SP6: variants seen among roughly 807,000 people sequenced by gnomAD.
SP6 encodes the protein Sp6 transcription factor.
Under a neutral mutation model 23.4 loss-of-function variants are expected in SP6, and 10 were observed. That is an observed-to-expected ratio of 0.43 (90% CI 0.26 to 0.72). The LOEUF is 0.72. Ranked by LOEUF, SP6 falls within the 30% of genes least tolerant of loss-of-function variation. SP6 has a pLI of 0.23. For missense variants in SP6, 482 were observed against 523.8 expected, an observed-to-expected ratio of 0.92 and a Z score of 0.78; for synonymous variants, 238 against 238.7, an observed-to-expected ratio of 1.00 and a Z score of 0.03.
At chr17:47,865,817 C>T in the SP6 span, among the ~76,000 whole-genome samples, 1 of 152,106 alleles carries the variant, frequency 6.6e-6, no homozygotes, top group South Asian at 2.1e-4. Context: ...CATCAGGCCC[C>T]CATGCTGCCC....
At chr17:47,860,996 A>C in the SP6 span, among the ~76,000 whole-genome samples, 4 of 152,190 alleles carry the variant, frequency 2.6e-5, no homozygotes, top group South Asian at 8.3e-4. Flanking sequence ...ACGAGAGGGG[A>C]ATTAGAGAGG....
intron 1 of SP6, among the ~76,000 whole-genome samples, chr17:47,850,219 C>T (rs2033939949): frequency 6.6e-6 from 1 of 152,168 alleles, no homozygotes; most frequent in African/African-American, 2.4e-5. Context: ...GTGGCTTCTC[C>T]TGGCAGAGAG....
Position 47,848,234 on chromosome 17 carries a change from C to T in SP6, c.196G>A (p.Gly66Ser), listed in dbSNP as rs774909227. 1.9e-6 allele frequency: 3 copies of T among 1,612,086 alleles called. No individual in the cohort carries two copies. In the South Asian group the frequency reaches 3.3e-5, roughly 18 times the overall value. The part of the protein sequence containing the change: ...PLGPEVDFSQ[G>S]YELPGASSRV... ...GAGGAGGCCCCTGGCAGCTCATAGC[C>T]CTGCGAGAAGTCCACCTCCGGGCCC... The change falls in exon 2 of 2, where the codon GGC becomes AGC. Residue 66 changes from glycine to serine, a missense_variant. Gly to Ser is a moderately conservative substitution (Grantham distance 56, BLOSUM62 0). Transcript: ENST00000536300. The surrounding 1 kb of genome is among the most constrained non-coding windows in gnomAD (Gnocchi z 5.3).
rs767923300 is a variant in SP6, at chr17:47,848,121, A to G, written c.309T>C (p.His103=). Residue 103 remains histidine (H), a synonymous_variant, in exon 2 of 2, where the codon CAT becomes CAC. Transcript: ENST00000536300. This position sits in a 1 kb window ranked among gnomAD's most constrained non-coding sequence, Gnocchi z 5.3. The stretch of plus-strand genomic sequence containing the variant: ...GAGTCGGCCTGAACCACGATTCATA[A>G]TGGTGTGACATGTCCGGCTGCAGGA... ...SKLLQPDMSH[H]YESWFRPTHP... is the part of the protein sequence containing the mutation. The G allele has an allele frequency of 3.7e-6, 6 of 1,613,582 alleles. No individual in the cohort carries two copies. In the South Asian group the frequency reaches 6.6e-5, roughly 18 times the overall value.
At chr17:47,869,451 C>T in the SP6 span, among the ~76,000 whole-genome samples, 2 of 152,080 alleles carry the variant, frequency 1.3e-5, no homozygotes, top group Non-Finnish European at 2.9e-5. Flanking sequence ...GTGCTAACAC[C>T]AAACTCTGAA....
the SP6 span, among the ~76,000 whole-genome samples, chr17:47,873,565 G>T: frequency 6.6e-6 from 1 of 152,208 alleles, no homozygotes; most frequent in Non-Finnish European, 1.5e-5. Flanking sequence ...AATCTTGAGA[G>T]AGTTACTTAT....
At chr17:47,857,566 C>T (rs148457838), upstream of SP6, among the ~76,000 whole-genome samples, 14 of 152,288 alleles carry the variant, frequency 9.2e-5, no homozygotes, top group East Asian at 2.7e-3. Flanking sequence ...CACACACCTT[C>T]CCCTGGCCTC....
chr17:47,849,515 G>A (rs2033933723), intron 1 of SP6, among the ~76,000 whole-genome samples: 1 of 152,156 alleles, frequency 6.6e-6, no homozygotes, highest in Non-Finnish European at 1.5e-5. Context: ...TTTTTCAGAA[G>A]CTCCCCACCA....
chr17:47,847,933 G>C lies in SP6; in HGVS notation c.497C>G (p.Pro166Arg), dbSNP rs779917867. ...VGDHQLCAPP[P>R]HPHAHHLLPA... ...AAGGAGGTGGTGCGCATGCGGGTGG[G>C]GTGGCGGGGCACAAAGCTGGTGGTC... Residue 166 changes from proline to arginine, a missense_variant, in exon 2 of 2, where the codon CCC becomes CGC. Pro to Arg is a moderately radical substitution (Grantham distance 103, BLOSUM62 -2). Coordinates refer to ENST00000536300, the MANE Select transcript of SP6 (RefSeq NM_001258248.2). The C allele has an allele frequency of 1.3e-6, 2 of 1,568,316 alleles. No homozygotes were observed. The highest frequency in any genetic ancestry group is 2.7e-5 in the African/African-American group (2 of 74,094).
chr17:47,858,079 C>T (rs566044182), upstream of SP6, among the ~76,000 whole-genome samples: 2 of 152,246 alleles, frequency 1.3e-5, no homozygotes, highest in African/African-American at 2.4e-5. Context: ...CCTCTGCCCT[C>T]GCCTCTCGGT....
chr17:47,862,152 C>T, the SP6 span, among the ~76,000 whole-genome samples: 1 of 151,594 alleles, frequency 6.6e-6, no homozygotes, highest in Non-Finnish European at 1.5e-5. Flanking sequence ...TCGAGACCAG[C>T]CTGGCCAACG....
At chr17:47,866,973 C>T in the SP6 span, among the ~76,000 whole-genome samples, 3 of 152,054 alleles carry the variant, frequency 2.0e-5, no homozygotes, top group African/African-American at 4.8e-5. Flanking sequence ...TCCTGCTCAT[C>T]GGACACGCCA....
the SP6 span, among the ~76,000 whole-genome samples, chr17:47,868,199 C>T: frequency 4.6e-5 from 7 of 152,202 alleles, no homozygotes; most frequent in East Asian, 1.9e-4. Flanking sequence ...CAAACACTCC[C>T]GGGATCCCCT....
At chr17:47,873,824 C>A in the SP6 span, among the ~76,000 whole-genome samples, 4 of 144,710 alleles carry the variant, frequency 2.8e-5, no homozygotes, top group South Asian at 2.4e-4. Flanking sequence ...TCCCTCCCTC[C>A]CCCCTTCCTT....
chr17:47,852,261 A>G (rs897756886), upstream of SP6, among the ~76,000 whole-genome samples: 3 of 152,144 alleles, frequency 2.0e-5, no homozygotes, highest in African/African-American at 7.2e-5. Context: ...CGCGGAGCTC[A>G]CAAAAACTTC....
the SP6 span, among the ~76,000 whole-genome samples, chr17:47,867,095 C>G: frequency 6.6e-6 from 1 of 152,138 alleles, no homozygotes; most frequent in African/African-American, 2.4e-5. Context: ...TGACGTACTT[C>G]GGCGGCTGAT....
chr17:47,850,302 G>A (rs778272215), intron 1 of SP6, among the ~76,000 whole-genome samples: 6 of 152,160 alleles, frequency 3.9e-5, no homozygotes, highest in African/African-American at 1.4e-4. Flanking sequence ...GTGATTCTCA[G>A]GTTCTAAGAC....
At chr17:47,863,030 G>C in the SP6 span, among the ~76,000 whole-genome samples, 5 of 152,266 alleles carry the variant, frequency 3.3e-5, no homozygotes, top group Non-Finnish European at 7.3e-5. Context: ...GGCGCCCAGC[G>C]CCAAGCAGCG....
At chr17:47,853,301 A>T (rs1311792551), upstream of SP6, among the ~76,000 whole-genome samples, 2 of 152,184 alleles carry the variant, frequency 1.3e-5, no homozygotes, top group African/African-American at 4.8e-5. Flanking sequence ...AATCCTCTTC[A>T]TCAACGCAGC....
Sources: allele counts gnomAD v4.1 joint callset (sites outside exome capture counted in the v4.1 genomes callset), GRCh38; gene constraint gnomAD v4.1.1; non-coding constraint Gnocchi (gnomAD v3.1); transcripts MANE v1.5; gene names NCBI Gene and HGNC (gene_info 2026-07-23, HGNC 2026-07-21).